Variants in PSORS1C1 observed in about 807,000 individuals in gnomAD.
PSORS1C1 encodes psoriasis susceptibility 1 candidate gene 1 protein.
PSORS1C1 carries 7 observed loss-of-function variants against 9.4 expected under a neutral mutation model. That is an observed-to-expected ratio of 0.75 (90% CI 0.42 to 1.40). The LOEUF (loss-of-function observed/expected upper bound fraction) is 1.40. Ranked by LOEUF, PSORS1C1 falls within the 40% of genes most tolerant of loss-of-function variation. The probability of loss-of-function intolerance (pLI) is 0.01; values close to 1 mark genes in which losing one functional copy is unlikely to be tolerated. For missense variants in PSORS1C1, 146 were observed against 178.1 expected, an observed-to-expected ratio of 0.82 and a Z score of 1.02; for synonymous variants, 63 against 69.4, an observed-to-expected ratio of 0.91 and a Z score of 0.46.
rs1242196549 is a variant in PSORS1C1, at chr6:31,139,933, G to A, written c.*1G>A. The A allele has an allele frequency of 1.9e-5, 30 of 1,605,830 alleles. No individual in the cohort carries two copies. Among genetic ancestry groups the A allele is most frequent in the Non-Finnish European group, 2.5e-5 (29 of 1,175,498 alleles). ...TTTTGGTCTCAGCTCCTTGATCTAA[G>A]CCTCCCAGAGAGACCCCTAGAACGT... On this transcript the variant is annotated 3_prime_UTR_variant, in exon 6 of 6. Transcript: ENST00000259881. The surrounding 1 kb of genome is among the most constrained non-coding windows in gnomAD (Gnocchi z 5.2).
In PSORS1C1 at chr6:31,134,002, G is replaced by A. The variant is rs145838713; in HGVS notation, c.13+4357G>A. Among the ~76,000 whole-genome samples the A allele has an allele frequency of 1.1e-3, 164 of 152,102 alleles. 5 individuals carry two copies. The East Asian group carries it at 0.031, about 29-fold the overall frequency. ...TTTTTTGTTTTTTGTTTTCTGAGATGGGGTCTTGCTCTGTCGCCCAGGCTG... is the reference window on the plus strand; with the variant it reads ...TTTTTTGTTTTTTGTTTTCTGAGATAGGGTCTTGCTCTGTCGCCCAGGCTG... On this transcript the variant is annotated intron_variant, in intron 3 of 5. Transcript: ENST00000259881.
At chr6:31,118,840 C>CTTTTTTTTTT (rs199861968) in intron 1 of PSORS1C1, 2 of 124,916 alleles carry the variant, frequency 1.6e-5, no homozygotes, top group Non-Finnish European at 3.3e-5. Context: ...TTTTCTTCTT[C>CTTTTTTTTTT]TTCTTTTTTT....
intron 1 of PSORS1C1, among the ~76,000 whole-genome samples, chr6:31,119,886 A>G (rs1336655491): frequency 6.7e-6 from 1 of 148,580 alleles, no homozygotes; most frequent in Non-Finnish European, 1.5e-5. Context: ...AGCCTTGGAG[A>G]CAGAGTGGGA....
intron 1 of PSORS1C1, among the ~76,000 whole-genome samples, chr6:31,121,637 C>T (rs1216946018): frequency 6.6e-6 from 1 of 152,074 alleles, no homozygotes; most frequent in Non-Finnish European, 1.5e-5. Context: ...CCCTCTCCTC[C>T]CCCAGGCCTC....
chr6:31,133,639 AGGCTATTACGTT>A (rs1222843907), intron 3 of PSORS1C1: 1 of 152,262 alleles, frequency 6.6e-6, no homozygotes, highest in Non-Finnish European at 1.5e-5. Flanking sequence ...TTTACTGCCA[AGGCTATTACGTT>A]GGCGCTCGCT....
chr6:31,115,048 AG>A lies in PSORS1C1; in HGVS notation c.-229+160del. 2.7e-6 allele frequency: 1 copy of A among 367,122 alleles called. No homozygotes were observed. Among genetic ancestry groups the A allele is most frequent in the South Asian group, 2.1e-5 (1 of 48,436 alleles). 22.7% of individuals were successfully genotyped at this position (367,122 alleles called of 1,614,324 possible). On this transcript the variant is annotated intron_variant, in intron 1 of 5. Coordinates refer to ENST00000259881, the MANE Select transcript of PSORS1C1 (RefSeq NM_014068.3). The surrounding 1 kb of genome is among the most constrained non-coding windows in gnomAD (Gnocchi z 4.2). ...GGATTTCCTGGAGCAATGAGAGAGG[AG>A]GGAAATGGCGGAAGGATCTGGGAGG...
chr6:31,126,951 A>G (rs12199460), intron 2 of PSORS1C1, among the ~76,000 whole-genome samples: 19,905 of 152,236 alleles, frequency 0.13, 1,435 homozygotes, highest in Middle Eastern at 0.24. Flanking sequence ...TAGCTGTCAC[A>G]GTAGCAAGAC....
At chr6:31,137,995 G>A (rs938896165) in intron 3 of PSORS1C1, 16 of 1,514,954 alleles carry the variant, frequency 1.1e-5, no homozygotes, top group Non-Finnish European at 1.4e-5. Flanking sequence ...GGCTCCTCCT[G>A]AGGTCGGTTG....
rs749196445 is a variant in PSORS1C1 at position 31,138,938 on chromosome 6, C to G, written c.167+159C>G. The stretch of plus-strand genomic sequence containing the variant: ...CCATCTTGAGTATCCCTCATCACCC[C>G]AAACTGCAGTCCCTGCCTCTGTTCC... On this transcript the variant is annotated intron_variant, in intron 5 of 5. Coordinates refer to ENST00000259881, the MANE Select transcript of PSORS1C1 (RefSeq NM_014068.3). The G allele has an allele frequency of 3.4e-5, 55 of 1,611,872 alleles. No individual in the cohort carries two copies. The African/African-American group carries it at 5.2e-4, about 15-fold the overall frequency.
chr6:31,132,991 T>C (rs3130561), intron 3 of PSORS1C1, among the ~76,000 whole-genome samples: 115,506 of 151,214 alleles, frequency 0.76, 44,751 homozygotes, highest in African/African-American at 0.89. Context: ...TTGGTTAAGG[T>C]CTGGGGGCGG....
intron 1 of PSORS1C1, chr6:31,116,398 C>G (rs773294517): frequency 1.3e-5 from 20 of 1,599,108 alleles, no homozygotes; most frequent in Non-Finnish European, 1.7e-5. Context: ...ACCGGAGCTG[C>G]TGGAAATGCT....
intron 3 of PSORS1C1, among the ~76,000 whole-genome samples, chr6:31,129,876 T>C (rs374408543): frequency 6.6e-6 from 1 of 152,194 alleles, no homozygotes; most frequent in East Asian, 1.9e-4. Context: ...GCCCCAGCTT[T>C]TTCCCTAGAC....
chr6:31,134,438 G>C (rs954601661), intron 3 of PSORS1C1, among the ~76,000 whole-genome samples: 8 of 152,052 alleles, frequency 5.3e-5, no homozygotes, highest in African/African-American at 1.9e-4. Flanking sequence ...GAGTAGCTGG[G>C]ACTACAGGCG....
chr6:31,139,749 C>T lies in PSORS1C1; in HGVS notation c.276C>T (p.Ser92=). ...AGGAGGATATCCTGGTTCCCTCTTC[C>T]CACCCAGAGCTGTTTGCATCAGTCC... ...RTQEDILVPS[S]HPELFASVLP... The change falls in exon 6 of 6, where the codon TCC becomes TCT. Residue 92 remains serine (S), a synonymous_variant. Coordinates refer to ENST00000259881, the MANE Select transcript of PSORS1C1 (RefSeq NM_014068.3). The surrounding 1 kb of genome is among the most constrained non-coding windows in gnomAD (Gnocchi z 5.2). 2 of 1,613,102 alleles carry T rather than the reference C, an allele frequency of 1.2e-6. No individual in the cohort carries two copies. The highest frequency in any genetic ancestry group is 8.5e-7 in the Non-Finnish European group (1 of 1,180,020).
At chr6:31,127,821 A>C (rs1322613553) in intron 2 of PSORS1C1, among the ~76,000 whole-genome samples, 1 of 144,782 alleles carries the variant, frequency 6.9e-6, no homozygotes, top group Admixed American at 6.8e-5. Flanking sequence ...TCTCAAAAAA[A>C]CACACATACA....
chr6:31,129,512 C>A, intron 2 of PSORS1C1, 57 bp from the exon 3 acceptor site: 1 of 740,912 alleles, frequency 1.3e-6, no homozygotes, highest in Non-Finnish European at 2.5e-6. Flanking sequence ...GTACTAAAAT[C>A]TCCAATTGCC....
intron 1 of PSORS1C1, chr6:31,120,203 G>T: frequency 1.4e-6 from 1 of 698,322 alleles, no homozygotes; most frequent in South Asian, 1.7e-5. Flanking sequence ...TACCTGAGGC[G>T]ACCATACAGT....
At chr6:31,138,114 A>G (rs2233952) in intron 3 of PSORS1C1, 1,425,824 of 1,603,552 alleles carry the variant, frequency 0.89, 635,038 homozygotes, top group African/African-American at 0.98. Flanking sequence ...CGGTTCAGGG[A>G]GCCAGACTCC....
chr6:31,134,594 C>T (rs1053854743), intron 3 of PSORS1C1, among the ~76,000 whole-genome samples: 2 of 152,096 alleles, frequency 1.3e-5, no homozygotes, highest in African/African-American at 2.4e-5. Context: ...CGTGAGCCAC[C>T]GCGCCTGGCC....
Sources: allele counts gnomAD v4.1 joint callset (sites outside exome capture counted in the v4.1 genomes callset), GRCh38; gene constraint gnomAD v4.1.1; non-coding constraint Gnocchi (gnomAD v3.1); transcripts MANE v1.5; gene names NCBI Gene and HGNC (gene_info 2026-07-23, HGNC 2026-07-21).